CCNH: variants seen among roughly 807,000 people sequenced by gnomAD.
CCNH encodes the protein cyclin H, also known as cyclin-H.
CCNH carries 31 observed loss-of-function variants against 41.9 expected under a neutral mutation model. That is an observed-to-expected ratio of 0.74 (90% CI 0.56 to 1.00). The LOEUF is 1.00. Ranked by LOEUF, CCNH falls within the 50% of genes least tolerant of loss-of-function variation. The pLI is 0.00. For synonymous variants in CCNH, 138 were observed against 136.1 expected, an observed-to-expected ratio of 1.01 and a Z score of -0.10; for missense variants, 362 against 388.4, an observed-to-expected ratio of 0.93 and a Z score of 0.57.
chr5:87,394,856 TAAAG>T (rs1762796469), intron 8 of CCNH, 184 bp downstream of exon 8: 2 of 1,379,324 alleles, frequency 1.4e-6, no homozygotes, highest in South Asian at 1.9e-5. Context: ...CTTCATTAAA[TAAAG>T]ACAGAAGAGA....
chr5:87,337,765 T>C (rs1316760683), intron 9 of CCNH, among the ~76,000 whole-genome samples: 2 of 152,058 alleles, frequency 1.3e-5, no homozygotes, highest in Non-Finnish European at 2.9e-5. Flanking sequence ...ATTTTACTCA[T>C]GAGGTAATTA....
intron 9 of CCNH, among the ~76,000 whole-genome samples, chr5:87,365,030 A>C (rs1469769100): frequency 1.3e-5 from 2 of 152,172 alleles, no homozygotes; most frequent in Non-Finnish European, 2.9e-5. Flanking sequence ...TATTATCGTG[A>C]AAACAGTTAA....
At chr5:87,321,662 T>C (rs1009246005) in intron 9 of CCNH, among the ~76,000 whole-genome samples, 2 of 152,358 alleles carry the variant, frequency 1.3e-5, no homozygotes, top group Non-Finnish European at 2.9e-5. Flanking sequence ...GGGTCCCAAA[T>C]GTAGGAGCCT....
rs1241668340 is a variant in CCNH at position 87,338,526 on chromosome 5, TATATATAAAA to T, written c.*91-19639_*91-19630del. Among the ~76,000 whole-genome samples the T allele has an allele frequency of 2.6e-4, 26 of 100,896 alleles. No individual in the cohort carries two copies. In the East Asian group the frequency reaches 3.5e-3, roughly 14 times the overall value. The allele number at this position is 100,896 out of a possible 152,430, so 66.2% of individuals were successfully genotyped here. On this transcript the variant is annotated intron_variant and NMD_transcript_variant, in intron 9 of 9. Coordinates refer to the CCNH transcript ENST00000645953. ...TTATATATATATATATATATATATA[TATATATAAAA>T]TTTTTTTTTTTTTTAAGTAGAAATG...
chr5:87,366,633 A>G (rs1457705013), intron 9 of CCNH: 1 of 159,546 alleles, frequency 6.3e-6, no homozygotes, highest in Admixed American at 6.2e-5. Context: ...GACATTAGAA[A>G]AAGTCTTTGT....
chr5:87,366,684 T>A (rs922130630), intron 9 of CCNH, among the ~76,000 whole-genome samples: 4 of 152,236 alleles, frequency 2.6e-5, no homozygotes, highest in Admixed American at 2.6e-4. Context: ...AAACCTAGTA[T>A]GAAAAAGTTA....
intron 9 of CCNH, among the ~76,000 whole-genome samples, chr5:87,353,582 A>T (rs1193645506): frequency 1.3e-5 from 2 of 152,198 alleles, no homozygotes; most frequent in East Asian, 3.9e-4. Context: ...GAAATAAAAA[A>T]TACTGATAGA....
At chr5:87,317,816 T>C (rs997369985), downstream of CCNH, among the ~76,000 whole-genome samples, 12 of 151,978 alleles carry the variant, frequency 7.9e-5, no homozygotes, top group African/African-American at 2.9e-4. Flanking sequence ...TTGTACATTT[T>C]GTAGAGACAG....
rs1440800093 is a variant in CCNH at position 87,331,408 on chromosome 5, G to A, written c.*91-12511C>T. ...AAGAACGCCTCAGGCAGGCAGGGAAGTCTGGCAGTTATCTTATAAGAGAGA... is the reference window on the plus strand; with the variant it reads ...AAGAACGCCTCAGGCAGGCAGGGAAATCTGGCAGTTATCTTATAAGAGAGA... On this transcript the variant is annotated intron_variant and NMD_transcript_variant, in intron 9 of 9. Transcript: ENST00000645953. 1.9e-6 allele frequency: 3 copies of A among 1,613,512 alleles called. No homozygotes were observed. The highest frequency in any genetic ancestry group is 2.7e-5 in the African/African-American group (2 of 74,926).
downstream of CCNH, chr5:87,372,080 TA>T: frequency 1.3e-6 from 2 of 1,554,630 alleles, no homozygotes; most frequent in South Asian, 2.3e-5. Flanking sequence ...CCAAATAAAC[TA>T]GTGTATATTT....
chr5:87,401,760 C>G lies in CCNH; in HGVS notation c.702G>C (p.Glu234Asp), dbSNP rs1323744504. Reference protein sequence around the residue: ...AGITMESYLSESLMLKENRTC... With the variant: ...AGITMESYLSDSLMLKENRTC... ...TTCTGTTCTCTTTCAGCATCAGACT[C>G]TCTGATAAATAACTAGTAAAGAAAA... Residue 234 changes from glutamate to aspartate, a missense_variant, in exon 6 of 9, where the codon GAG becomes GAC. Transcript: ENST00000256897. The G allele has an allele frequency of 6.4e-7, 1 of 1,574,566 alleles. No homozygotes were observed. Among genetic ancestry groups the G allele is most frequent in the Non-Finnish European group, 8.6e-7 (1 of 1,162,116 alleles).
chr5:87,358,321 T>C (rs1759808182), intron 9 of CCNH, among the ~76,000 whole-genome samples: 1 of 152,218 alleles, frequency 6.6e-6, no homozygotes, highest in Non-Finnish European at 1.5e-5. Context: ...AGCACTGTTT[T>C]TTATACATAT....
intron 9 of CCNH, among the ~76,000 whole-genome samples, chr5:87,343,726 T>C (rs987546045): frequency 2.0e-5 from 3 of 152,102 alleles, no homozygotes; most frequent in African/African-American, 7.2e-5. Flanking sequence ...TGGGTATATA[T>C]CCAAAAGAAA....
chr5:87,337,875 A>G (rs748095755), intron 9 of CCNH: 34 of 1,250,328 alleles, frequency 2.7e-5, no homozygotes, highest in Non-Finnish European at 3.6e-5. Context: ...TACATTTTTC[A>G]ATATAATACT....
At chr5:87,404,499 T>C (rs1174034411) in intron 5 of CCNH, among the ~76,000 whole-genome samples, 1 of 152,176 alleles carries the variant, frequency 6.6e-6, no homozygotes, top group African/African-American at 2.4e-5. Context: ...CTTCCGCGTG[T>C]CATACATGCT....
chr5:87,338,532 T>A (rs1264439015), intron 9 of CCNH, among the ~76,000 whole-genome samples: 1 of 59,704 alleles, frequency 1.7e-5, no homozygotes, highest in Non-Finnish European at 4.2e-5. Context: ...TATATATATA[T>A]AAAATTTTTT....
intron 9 of CCNH, among the ~76,000 whole-genome samples, chr5:87,322,574 G>A (rs1756907983): frequency 6.6e-6 from 1 of 152,072 alleles, no homozygotes; most frequent in African/African-American, 2.4e-5. Context: ...CATGTGATGT[G>A]CTAGCTCTCC....
chr5:87,395,147 C>G, intron 7 of CCNH, 43 bp from the exon 8 acceptor site: 1 of 1,560,862 alleles, frequency 6.4e-7, no homozygotes, highest in Non-Finnish European at 8.8e-7. Context: ...ATACCAGCCA[C>G]AGAAACTATA....
At chr5:87,343,519 A>T (rs372377804) in intron 9 of CCNH, among the ~76,000 whole-genome samples, 3 of 152,176 alleles carry the variant, frequency 2.0e-5, no homozygotes, top group African/African-American at 7.2e-5. Context: ...CTACAATGAG[A>T]TTTCATTTCA....
Sources: gnomAD v4.1 joint callset for allele counts (sites outside exome capture counted in the v4.1 genomes callset) on GRCh38, gnomAD v4.1.1 for gene constraint, MANE v1.5 for transcripts, NCBI Gene and HGNC (gene_info 2026-07-23, HGNC 2026-07-21) for gene names.